Variants in FRMD4B observed in about 807,000 individuals in gnomAD.
FRMD4B encodes the protein FERM domain containing 4B, also known as FERM domain-containing protein 4B.
In FRMD4B, 74 loss-of-function variants were observed where a neutral mutation model predicts 141.5. The ratio of observed to expected loss-of-function variants is 0.52; its 90% CI spans 0.43 to 0.63. FRMD4B has a LOEUF of 0.63. FRMD4B is among the 30% of genes least tolerant of loss of function. The probability of loss-of-function intolerance (pLI) is 0.00; values close to 1 mark genes in which losing one functional copy is unlikely to be tolerated. For missense variants in FRMD4B, 1,366 were observed against 1,253.4 expected (o/e 1.09, Z -1.36); for synonymous variants, 506 against 467.9 (o/e 1.08, Z -1.05).
intron 5 of FRMD4B, among the ~76,000 whole-genome samples, chr3:69,265,190 G>T (rs1418549711): frequency 7.3e-6 from 1 of 137,234 alleles, no homozygotes; most frequent in East Asian, 2.2e-4. Context: ...AGGAGGTGGA[G>T]CTTGCAGTGA....
At chr3:69,289,989 A>T (rs1559782163) in intron 4 of FRMD4B, among the ~76,000 whole-genome samples, 1 of 152,130 alleles carries the variant, frequency 6.6e-6, no homozygotes, top group East Asian at 1.9e-4. Context: ...TTCCTAAGGC[A>T]ACTTGGAAGT....
intron 21 of FRMD4B, 24 bp from the exon 22 acceptor site, chr3:69,176,680 T>G: frequency 6.5e-7 from 1 of 1,541,324 alleles, no homozygotes; most frequent in Non-Finnish European, 9.0e-7. Context: ...TGGAAAAAGA[T>G]AAAATTAATG....
At chr3:69,370,463 C>A (rs34266487) in intron 1 of FRMD4B, among the ~76,000 whole-genome samples, 8,419 of 152,272 alleles carry the variant, frequency 0.055, 535 homozygotes, top group East Asian at 0.32. Context: ...AGCCCACTGG[C>A]ACCAGGGTTA....
chr3:69,523,867 C>A (rs1700891696), intron 1 of FRMD4B, among the ~76,000 whole-genome samples: 1 of 152,142 alleles, frequency 6.6e-6, no homozygotes, highest in Non-Finnish European at 1.5e-5. Context: ...GGTTCCCTTA[C>A]CTTCACTTGC....
At chr3:69,265,904 T>C (rs1232884003) in intron 5 of FRMD4B, among the ~76,000 whole-genome samples, 5 of 151,878 alleles carry the variant, frequency 3.3e-5, no homozygotes, top group African/African-American at 9.7e-5. Flanking sequence ...TGTCATAAAA[T>C]AAAGAAGTGA....
chr3:69,355,952 G>A (rs1703305648), intron 1 of FRMD4B, among the ~76,000 whole-genome samples: 1 of 152,064 alleles, frequency 6.6e-6, no homozygotes, highest in Admixed American at 6.6e-5. Context: ...TTCAACCTGG[G>A]AGCCGGAGGT....
At chr3:69,280,723 C>G (rs373607779) in intron 5 of FRMD4B, among the ~76,000 whole-genome samples, 1 of 152,042 alleles carries the variant, frequency 6.6e-6, no homozygotes, top group Non-Finnish European at 1.5e-5. Flanking sequence ...TGGGCTCAAG[C>G]GATCCTCCCA....
intron 1 of FRMD4B, among the ~76,000 whole-genome samples, chr3:69,357,317 C>G (rs1009959981): frequency 6.6e-6 from 1 of 152,208 alleles, no homozygotes; most frequent in Non-Finnish European, 1.5e-5. Context: ...TGCCTTCTGC[C>G]GTGCAGCCAG....
chr3:69,228,251 T>C (rs1044916379), intron 7 of FRMD4B: 1 of 440,088 alleles, frequency 2.3e-6, no homozygotes, highest in Non-Finnish European at 4.6e-6. Context: ...ATCCTGAAAA[T>C]TCTACACTAA....
intron 1 of FRMD4B, among the ~76,000 whole-genome samples, chr3:69,368,016 T>C (rs908106474): frequency 2.6e-5 from 4 of 152,262 alleles, no homozygotes; most frequent in Non-Finnish European, 5.9e-5. Context: ...AAACATGTTA[T>C]AGTCCCATTT....
At position 69,427,643 on chromosome 3, in the gene FRMD4B, GTTTTTTTTTT is replaced by G. The variant is rs774316609; in HGVS notation, c.-1+4981_-1+4990del. Among the ~76,000 whole-genome samples the G allele has an allele frequency of 9.2e-3, 334 of 36,250 alleles. 5 individuals carry two copies. The highest frequency in any genetic ancestry group is 0.033 in the African/African-American group (309 of 9,396). The allele number at this position is 36,250 out of a possible 152,430, so 23.8% of individuals were successfully genotyped here. A position where few individuals can be genotyped will look rare whatever the true frequency, so the allele number is the denominator to read the frequency against. ...GTGTTTAGTAAGAAGCTAGGTAAATGTTTTTTTTTTTTTTTTTTTTTTTTTTTTTTGAGAC... is the reference window on the plus strand; with the variant it reads ...GTGTTTAGTAAGAAGCTAGGTAAATGTTTTTTTTTTTTTTTTTTTTGAGAC... On this transcript the variant is annotated intron_variant, in intron 2 of 5. Transcript: ENST00000459638.
intron 1 of FRMD4B, among the ~76,000 whole-genome samples, chr3:69,343,369 T>A (rs1282919531): frequency 6.6e-6 from 1 of 152,056 alleles, no homozygotes; most frequent in Non-Finnish European, 1.5e-5. Flanking sequence ...TCTCGACACT[T>A]CCTCTCTTTG....
At chr3:69,278,113 C>T (rs1282453655) in intron 5 of FRMD4B, among the ~76,000 whole-genome samples, 2 of 152,198 alleles carry the variant, frequency 1.3e-5, no homozygotes, top group Admixed American at 1.3e-4. Flanking sequence ...CTTGGCCTCC[C>T]AAAGTGCTGG....
chr3:69,517,998 A>ATGC (rs921624818), intron 1 of FRMD4B, among the ~76,000 whole-genome samples: 6 of 152,156 alleles, frequency 3.9e-5, no homozygotes, highest in African/African-American at 1.4e-4. Flanking sequence ...TCCCCAAGAG[A>ATGC]TGCTGCTGCT....
intron 1 of FRMD4B, chr3:69,536,521 A>T: frequency 1.4e-6 from 1 of 690,094 alleles, no homozygotes; most frequent in Non-Finnish European, 2.7e-6. Flanking sequence ...CAGCGCCTCT[A>T]CCACCGTGCG....
intron 1 of FRMD4B, chr3:69,353,759 C>G: frequency 2.1e-6 from 2 of 961,564 alleles, no homozygotes; most frequent in Non-Finnish European, 2.5e-6. Context: ...AGGAAATGAC[C>G]ATACTGTTTG....
intron 1 of FRMD4B, among the ~76,000 whole-genome samples, chr3:69,541,791 C>T (rs1701188342): frequency 6.6e-6 from 1 of 150,756 alleles, no homozygotes; most frequent in African/African-American, 2.4e-5. Flanking sequence ...CAGGGATTTC[C>T]CCCCCCTCTT....
rs77408843 is a variant in FRMD4B, at chr3:69,200,679, A to C, written c.877-1905T>G. Reference sequence around the variant, plus strand: ...AGTTCTCAGTGGCAGATTTTCCCAGAAAAGAGACCTTTCTAAAATGGAGGG... The same window carrying C: ...AGTTCTCAGTGGCAGATTTTCCCAGCAAAGAGACCTTTCTAAAATGGAGGG... On this transcript the variant is annotated intron_variant, in intron 11 of 22. Transcript: ENST00000398540. 2.0e-3 allele frequency: 2,508 copies of C among 1,259,132 alleles called. 54 individuals carry two copies. In the East Asian group the frequency reaches 0.071, roughly 36 times the overall value. 78.0% of individuals were successfully genotyped at this position (1,259,132 alleles called of 1,614,324 possible).
intron 2 of FRMD4B, among the ~76,000 whole-genome samples, chr3:69,417,910 C>T (rs911339245): frequency 1.3e-5 from 2 of 152,150 alleles, no homozygotes; most frequent in African/African-American, 4.8e-5. Flanking sequence ...GACTTGTGGC[C>T]ACATCACTCT....
Sources: allele counts gnomAD v4.1 joint callset (sites outside exome capture counted in the v4.1 genomes callset), GRCh38; gene constraint gnomAD v4.1.1; transcripts MANE v1.5; gene names NCBI Gene and HGNC (gene_info 2026-07-23, HGNC 2026-07-21).